Variants in ITGB8 observed in about 807,000 individuals in gnomAD.
The protein encoded by ITGB8 is integrin subunit beta 8, also known as integrin beta-8.
A neutral mutation model predicts 89.5 loss-of-function variants in ITGB8; 30 were observed. That is an observed-to-expected ratio of 0.34 (90% CI 0.25 to 0.45). The LOEUF is 0.45. ITGB8 is among the 20% of genes least tolerant of loss of function. The pLI, the probability that ITGB8 is intolerant of heterozygous loss-of-function variation, is 1.00. For synonymous variants in ITGB8, 335 were observed against 320.4 expected, an observed-to-expected ratio of 1.05 and a Z score of -0.49; for missense variants, 836 against 933.3, an observed-to-expected ratio of 0.90 and a Z score of 1.36.
intron 8 of ITGB8, among the ~76,000 whole-genome samples, chr7:20,397,411 A>T (rs1787130600): frequency 6.6e-6 from 1 of 152,076 alleles, no homozygotes; most frequent in South Asian, 2.1e-4. Flanking sequence ...TTTTTAGTAG[A>T]TGCAGGGTTT....
intron 1 of ITGB8, among the ~76,000 whole-genome samples, chr7:20,343,558 T>C (rs756930773): frequency 1.3e-5 from 2 of 152,180 alleles, no homozygotes; most frequent in African/African-American, 4.8e-5. Flanking sequence ...CATGGCTTAA[T>C]TGCAAGTATT....
chr7:20,403,239 G>A (rs1213097899), intron 10 of ITGB8, among the ~76,000 whole-genome samples: 2 of 152,126 alleles, frequency 1.3e-5, no homozygotes, highest in East Asian at 3.9e-4. Flanking sequence ...ACTTTAGAAT[G>A]AAGCAGCAGT....
rs142946810 is a variant in ITGB8, at chr7:20,372,111, T to C, written c.388+4925T>C. Among the ~76,000 whole-genome samples, 930 of 152,360 alleles carry C rather than the reference T, an allele frequency of 6.1e-3. 10 individuals are homozygous for C. Among genetic ancestry groups the C allele is most frequent in the African/African-American group, 0.021 (888 of 41,586 alleles). The stretch of plus-strand genomic sequence containing the variant: ...TGCTAATTTTCAGAGGTTTATTATA[T>C]ATTATTTGCCTCTAATAACTATAAC... On this transcript the variant is annotated intron_variant, in intron 3 of 13. Coordinates refer to ENST00000222573, the MANE Select transcript of ITGB8 (RefSeq NM_002214.3).
intron 6 of ITGB8, among the ~76,000 whole-genome samples, chr7:20,388,010 A>G (rs1786698163): frequency 6.6e-6 from 1 of 152,166 alleles, no homozygotes; most frequent in African/African-American, 2.4e-5. Flanking sequence ...TATTATAAAA[A>G]TTTATATTAT....
intron 3 of ITGB8, chr7:20,377,288 A>G (rs1224130348): frequency 6.6e-6 from 1 of 152,216 alleles, no homozygotes; most frequent in Non-Finnish European, 1.5e-5. Flanking sequence ...TAAAAATACC[A>G]TGATACCATG....
At chr7:20,356,892 T>C (rs1362175873) in intron 1 of ITGB8, among the ~76,000 whole-genome samples, 1 of 143,302 alleles carries the variant, frequency 7.0e-6, no homozygotes, top group African/African-American at 2.6e-5. Flanking sequence ...TTTTGGGGAG[T>C]TTGCTGGTCC....
At chr7:20,347,104 G>C (rs982131904) in intron 1 of ITGB8, among the ~76,000 whole-genome samples, 3 of 152,176 alleles carry the variant, frequency 2.0e-5, no homozygotes, top group Non-Finnish European at 4.4e-5. Context: ...CTATGAGGAA[G>C]GCTCCCTCGC....
At chr7:20,379,020 A>T in intron 3 of ITGB8, 31 bp from the exon 4 acceptor site, 1 of 1,518,370 alleles carries the variant, frequency 6.6e-7, no homozygotes, top group Non-Finnish European at 8.8e-7. Context: ...TAAAATGAAG[A>T]CTACATGATG....
chr7:20,332,489 G>T (rs547806595), intron 1 of ITGB8, among the ~76,000 whole-genome samples: 1 of 88,062 alleles, frequency 1.1e-5, no homozygotes, highest in African/African-American at 6.9e-5. Context: ...TCATCCTTTC[G>T]GCTTAAAAAA....
chr7:20,379,813 A>C (rs926890711), intron 4 of ITGB8: 2 of 152,236 alleles, frequency 1.3e-5, no homozygotes, highest in Non-Finnish European at 2.9e-5. Flanking sequence ...TCAAAAGATG[A>C]GAATTTGATT....
chr7:20,353,369 C>T lies in ITGB8; in HGVS notation c.128-10268C>T, dbSNP rs138427377. 113 of 152,190 alleles carry T rather than the reference C, an allele frequency of 7.4e-4. 1 individual carries two copies. The highest frequency in any genetic ancestry group is 2.6e-3 in the African/African-American group (109 of 41,520). The allele number at this position is 152,190 out of a possible 1,614,324, so 9.4% of individuals were successfully genotyped here. ...GCCTTAAAAACCTACCTATTGAGAA[C>T]CAAAGATATTTAGTGCTGTTTCCTA... On this transcript the variant is annotated intron_variant, in intron 1 of 13. Transcript: ENST00000222573.
rs967794478 is a variant in ITGB8 at position 20,401,831 on chromosome 7, C to T, written c.1392C>T (p.His464=). ...ATGAAACCGCTAAAATTCATATACA[C>T]AGAAACTGCAGCTGTCAGTGTGAGG... ...GFNETAKIHI[H]RNCSCQCEDN... The change falls in exon 10 of 14, where the codon CAC becomes CAT. Residue 464 remains histidine, a synonymous_variant. Coordinates refer to ENST00000222573, the MANE Select transcript of ITGB8 (RefSeq NM_002214.3). 2 of 1,613,728 alleles carry T rather than the reference C, an allele frequency of 1.2e-6. No homozygotes were observed. Among genetic ancestry groups the T allele is most frequent in the African/African-American group, 2.7e-5 (2 of 74,894 alleles).
intron 11 of ITGB8, among the ~76,000 whole-genome samples, chr7:20,405,761 T>C (rs924312293): frequency 2.0e-5 from 3 of 152,228 alleles, no homozygotes; most frequent in Non-Finnish European, 4.4e-5. Flanking sequence ...CAATTTGAGA[T>C]CTGCACAAAG....
In ITGB8 at chr7:20,411,223, G is replaced by C. The variant is rs2127989737; in HGVS notation, c.*1226G>C. The stretch of plus-strand genomic sequence containing the variant: ...AGGCTGAAGTGCAATGGCGCAATTA[G>C]GGTTCACTGCAACCTCTGCCTCCCG... On this transcript the variant is annotated 3_prime_UTR_variant, in exon 14 of 14. Transcript: ENST00000222573. The C allele has an allele frequency of 6.8e-6, 1 of 147,454 alleles. No individual in the cohort carries two copies. Among genetic ancestry groups the C allele is most frequent in the South Asian group, 2.2e-4 (1 of 4,642 alleles). 9.1% of individuals were successfully genotyped at this position (147,454 alleles called of 1,614,324 possible).
chr7:20,403,602 C>T (rs3807956), intron 10 of ITGB8, among the ~76,000 whole-genome samples: 13,037 of 152,198 alleles, frequency 0.086, 786 homozygotes, highest in East Asian at 0.39. Context: ...GCTTGGCCGA[C>T]ATTTGTCTGG....
intron 1 of ITGB8, among the ~76,000 whole-genome samples, chr7:20,347,028 T>C (rs1257689427): frequency 2.0e-5 from 3 of 152,140 alleles, no homozygotes; most frequent in Non-Finnish European, 4.4e-5. Context: ...AGTGCACTTA[T>C]GAAAAAGGCC....
intron 9 of ITGB8, 49 bp from the exon 10 acceptor site, chr7:20,401,672 A>C: frequency 8.8e-7 from 1 of 1,135,342 alleles, no homozygotes; most frequent in Non-Finnish European, 1.2e-6. Flanking sequence ...ATTGGTAATA[A>C]AAATAATTAA....
intron 6 of ITGB8, among the ~76,000 whole-genome samples, chr7:20,385,483 T>C (rs976819370): frequency 3.3e-5 from 5 of 152,318 alleles, no homozygotes; most frequent in African/African-American, 1.2e-4. Context: ...ACTGCTGGCT[T>C]CATAGTTCAT....
chr7:20,376,066 C>T lies in ITGB8; in HGVS notation c.389-2985C>T, dbSNP rs1410404963. On this transcript the variant is annotated intron_variant, in intron 3 of 13. Coordinates refer to ENST00000222573, the MANE Select transcript of ITGB8 (RefSeq NM_002214.3). Reference sequence around the variant, plus strand: ...AGGAGCAATCATTCCCCTTCCCTTCCTTCCCCTCCCTAACATTTCCAGGCT... The same window carrying T: ...AGGAGCAATCATTCCCCTTCCCTTCTTTCCCCTCCCTAACATTTCCAGGCT... Among the ~76,000 whole-genome samples, 3 of 152,160 alleles carry T rather than the reference C, an allele frequency of 2.0e-5. No homozygotes were observed. The East Asian group carries it at 5.8e-4, about 29-fold the overall frequency.
Sources: allele counts gnomAD v4.1 joint callset (sites outside exome capture counted in the v4.1 genomes callset), GRCh38; gene constraint gnomAD v4.1.1; transcripts MANE v1.5; gene names NCBI Gene and HGNC (gene_info 2026-07-23, HGNC 2026-07-21).